Variants in PPEF2 observed in about 807,000 individuals in gnomAD.
The protein encoded by PPEF2 is serine/threonine-protein phosphatase with EF-hands 2.
A neutral mutation model predicts 84.7 loss-of-function variants in PPEF2; 84 were observed. That is an observed-to-expected ratio of 0.99 (90% confidence interval 0.83 to 1.19). The LOEUF is 1.19. Ranked by LOEUF, PPEF2 falls within the 50% of genes most tolerant of loss-of-function variation. The pLI, the probability that PPEF2 is intolerant of heterozygous loss-of-function variation, is 0.00. For synonymous variants in PPEF2, 346 were observed against 345.2 expected, an observed-to-expected ratio of 1.00 and a Z score of -0.03; for missense variants, 924 against 937.5, an observed-to-expected ratio of 0.99 and a Z score of 0.19.
Position 75,879,833 on chromosome 4 carries a change from C to CT in PPEF2, c.933+3092dup, listed in dbSNP as rs760895242. Among the ~76,000 whole-genome samples the CT allele has an allele frequency of 6.4e-3, 434 of 67,388 alleles. 2 individuals carry two copies. Among genetic ancestry groups the CT allele is most frequent in the Middle Eastern group, 0.039 (4 of 102 alleles). The allele number at this position is 67,388 out of a possible 152,430, so 44.2% of individuals were successfully genotyped here. A position where few individuals can be genotyped will look rare whatever the true frequency, so the allele number is the denominator to read the frequency against. Reference sequence around the variant, plus strand: ...TGAATTTTTAAAATGTTATTATTTACTTTTATTTTTTTTTTGAGATAGGGG... The same window carrying CT: ...TGAATTTTTAAAATGTTATTATTTACTTTTTATTTTTTTTTTGAGATAGGGG... On this transcript the variant is annotated intron_variant, in intron 10 of 16. Transcript: ENST00000286719.
At chr4:75,878,269 A>G (rs1029852956) in intron 10 of PPEF2, among the ~76,000 whole-genome samples, 3 of 152,336 alleles carry the variant, frequency 2.0e-5, no homozygotes, top group African/African-American at 7.2e-5. Flanking sequence ...CATAAGTGGC[A>G]CGAATTCTGA....
chr4:75,898,140 C>T (rs147544266), intron 1 of PPEF2, among the ~76,000 whole-genome samples: 131 of 152,336 alleles, frequency 8.6e-4, no homozygotes, highest in African/African-American at 2.9e-3. Flanking sequence ...TTGTTTGTGG[C>T]CTAAGAATGC....
At chr4:75,888,684 A>G (rs1054555064) in intron 5 of PPEF2, among the ~76,000 whole-genome samples, 8 of 152,184 alleles carry the variant, frequency 5.3e-5, no homozygotes, top group Non-Finnish European at 8.8e-5. Context: ...CATTACTGGA[A>G]TATATCAGCT....
intron 11 of PPEF2, 142 bp from the exon 12 acceptor site, chr4:75,873,454 C>T (rs1724334351): frequency 4.8e-6 from 4 of 831,376 alleles, no homozygotes; most frequent in African/African-American, 3.5e-5. Context: ...ATTTGACATA[C>T]ATTTATATTT....
At chr4:75,861,460 C>T (rs1315971602) in intron 16 of PPEF2, among the ~76,000 whole-genome samples, 1 of 149,640 alleles carries the variant, frequency 6.7e-6, no homozygotes, top group East Asian at 2.0e-4. Flanking sequence ...AGCAGATATT[C>T]ACATGCAAAA....
chr4:75,880,804 C>CA (rs1553907901), intron 10 of PPEF2, among the ~76,000 whole-genome samples: 1 of 54,306 alleles, frequency 1.8e-5, no homozygotes, highest in Non-Finnish European at 7.0e-5. Flanking sequence ...CCTATAAATA[C>CA]TTTTTTTTTT....
intron 11 of PPEF2, 40 bp from the exon 12 acceptor site, chr4:75,873,352 A>T: frequency 1.3e-6 from 2 of 1,522,606 alleles, no homozygotes; most frequent in Non-Finnish European, 1.8e-6. Flanking sequence ...CAAAAACTAG[A>T]TACATATTCA....
At chr4:75,870,095 A>G (rs969530966) in intron 13 of PPEF2, among the ~76,000 whole-genome samples, 1 of 152,206 alleles carries the variant, frequency 6.6e-6, no homozygotes, top group Non-Finnish European at 1.5e-5. Context: ...TTATTGAAAC[A>G]CACTATTCAC....
At position 75,860,878 on chromosome 4, in the gene PPEF2, A is replaced by T; in HGVS notation, c.2051T>A (p.Phe684Tyr). The T allele has an allele frequency of 6.2e-7, 1 of 1,614,238 alleles. No homozygotes were observed. Among genetic ancestry groups the T allele is most frequent in the Non-Finnish European group, 8.5e-7 (1 of 1,180,028 alleles). The change falls in exon 17 of 17, where the codon TTC (phenylalanine) becomes TAC (tyrosine). Residue 684 changes from phenylalanine (F) to tyrosine (Y), a missense_variant. Phe to Tyr is a conservative substitution (Grantham distance 22). Coordinates refer to ENST00000286719, the MANE Select transcript of PPEF2 (RefSeq NM_006239.3). Reference protein sequence around the residue: ...LDEFRQTWKLFSSHMNIDITD... With the variant: ...LDEFRQTWKLYSSHMNIDITD... Reference sequence around the variant, plus strand: ...AATGTCGATATTCATGTGAGAGCTGAACAGCTTCCAGGTCTGCCTGAACTC... The same window carrying T: ...AATGTCGATATTCATGTGAGAGCTGTACAGCTTCCAGGTCTGCCTGAACTC...
chr4:75,896,458 G>A (rs1725012965), intron 1 of PPEF2, 75 bp from the exon 2 acceptor site: 1 of 894,206 alleles, frequency 1.1e-6, no homozygotes, highest in Admixed American at 2.0e-5. Flanking sequence ...AATTGTCTAT[G>A]AATCATGTGA....
In PPEF2 at chr4:75,860,687, T is replaced by G. The variant is rs896881983; in HGVS notation, c.2242A>C (p.Ser748Arg). 8.1e-6 allele frequency: 13 copies of G among 1,614,048 alleles called. No individual in the cohort carries two copies. The highest frequency in any genetic ancestry group is 1.1e-5 in the Non-Finnish European group (13 of 1,180,040). The change falls in exon 17 of 17, where the codon AGC becomes CGC. Residue 748 changes from serine (S) to arginine (R), a missense_variant. Transcript: ENST00000286719. ...QATNAKDSGC[S>R]SPGAH is the part of the protein sequence containing the mutation. ...TGTTCTTAGTGTGCACCTGGACTGC[T>G]GCAGCCACTGTCTTTAGCATTTGTA...
At chr4:75,889,358 G>C (rs1201822103) in intron 5 of PPEF2, among the ~76,000 whole-genome samples, 1 of 152,118 alleles carries the variant, frequency 6.6e-6, no homozygotes, top group Non-Finnish European at 1.5e-5. Flanking sequence ...GGCCTCCCGA[G>C]GTTCGTGAAC....
At chr4:75,884,789 T>A (rs1027979922) in intron 7 of PPEF2, 29 bp from the exon 8 acceptor site, 1 of 1,522,306 alleles carries the variant, frequency 6.6e-7, no homozygotes, top group Non-Finnish European at 8.9e-7. Context: ...AGTGAAAGAA[T>A]GAATGGGAGG....
At chr4:75,888,703 C>G (rs562795457) in intron 5 of PPEF2, among the ~76,000 whole-genome samples, 1 of 152,302 alleles carries the variant, frequency 6.6e-6, no homozygotes, top group South Asian at 2.1e-4. Context: ...CTCAGCTCCT[C>G]CTGCAATGAG....
At chr4:75,867,465 A>T in intron 13 of PPEF2, 46 bp from the exon 14 acceptor site, 1 of 1,313,820 alleles carries the variant, frequency 7.6e-7, no homozygotes, top group Non-Finnish European at 1.1e-6. Context: ...CTGGTATAGA[A>T]AAAATACTTA....
At chr4:75,884,946 C>T in intron 7 of PPEF2, 186 bp from the exon 8 acceptor site, 1 of 530,544 alleles carries the variant, frequency 1.9e-6, no homozygotes, top group South Asian at 2.9e-5. Context: ...ATTTCCTTTC[C>T]AGAGAGGCTA....
chr4:75,900,440 G>A (rs1473712885), intron 1 of PPEF2, among the ~76,000 whole-genome samples: 3 of 152,198 alleles, frequency 2.0e-5, no homozygotes, highest in Non-Finnish European at 4.4e-5. Flanking sequence ...AACTCTTGGT[G>A]ACCTTTTGTC....
At chr4:75,890,488 C>CAAAAAAAAAA (rs10710879) in intron 4 of PPEF2, among the ~76,000 whole-genome samples, 12 of 124,604 alleles carry the variant, frequency 9.6e-5, no homozygotes, top group Admixed American at 8.2e-5. Flanking sequence ...GACCCTGTCT[C>CAAAAAAAAAA]AAAAAAAAAA....
At chr4:75,899,585 G>A (rs1034016307) in intron 1 of PPEF2, among the ~76,000 whole-genome samples, 21 of 152,132 alleles carry the variant, frequency 1.4e-4, no homozygotes, top group Non-Finnish European at 2.5e-4. Context: ...GATTATCAAA[G>A]AGTTGTTGTC....
Sources: allele counts gnomAD v4.1 joint callset (sites outside exome capture counted in the v4.1 genomes callset), GRCh38; gene constraint gnomAD v4.1.1; transcripts MANE v1.5; gene names NCBI Gene and HGNC (gene_info 2026-07-23, HGNC 2026-07-21).